Variants in PHF20 observed in about 807,000 individuals in gnomAD.
PHF20 encodes PHD finger protein 20, also known as glioma-expressed antigen 2.
PHF20 carries 23 observed loss-of-function variants against 113.5 expected under a neutral mutation model. The ratio of observed to expected loss-of-function variants is 0.20; its 90% CI spans 0.15 to 0.29. PHF20 has a LOEUF of 0.29. PHF20 is among the 10% of genes least tolerant of loss of function. The probability of loss-of-function intolerance (pLI) is 1.00; values close to 1 mark genes in which losing one functional copy is unlikely to be tolerated. For missense variants in PHF20, 943 were observed against 1,219.6 expected, an observed-to-expected ratio of 0.77 and a Z score of 3.38; for synonymous variants, 434 against 457.3, an observed-to-expected ratio of 0.95 and a Z score of 0.65.
At chr20:35,850,823 AG>A in intron 4 of PHF20, 1 of 1,100,116 alleles carries the variant, frequency 9.1e-7, no homozygotes, top group Non-Finnish European at 1.3e-6. Flanking sequence ...TATGAAAATC[AG>A]GTGTATGTTT....
chr20:35,846,367 G>A (rs1465366961), intron 3 of PHF20, among the ~76,000 whole-genome samples: 1 of 151,754 alleles, frequency 6.6e-6, no homozygotes, highest in Non-Finnish European at 1.5e-5. Context: ...TAGTAGAGAC[G>A]GGGTTTCACC....
chr20:35,845,076 A>T (rs977492960), intron 3 of PHF20, among the ~76,000 whole-genome samples: 1 of 151,820 alleles, frequency 6.6e-6, no homozygotes, highest in African/African-American at 2.4e-5. Context: ...CCACTGATCT[A>T]TCTATTTTCT....
At chr20:35,787,294 C>A (rs2041441097) in intron 1 of PHF20, among the ~76,000 whole-genome samples, 1 of 152,002 alleles carries the variant, frequency 6.6e-6, no homozygotes, top group African/African-American at 2.4e-5. Context: ...ATTCTCCTGC[C>A]TCAGCCTCTT....
At chr20:35,902,424 C>T (rs2055114685) in intron 10 of PHF20, among the ~76,000 whole-genome samples, 1 of 152,194 alleles carries the variant, frequency 6.6e-6, no homozygotes, top group Non-Finnish European at 1.5e-5. Flanking sequence ...GCTTGACAGG[C>T]AGGAGGCCAT....
intron 9 of PHF20, among the ~76,000 whole-genome samples, chr20:35,893,603 C>T (rs1009233189): frequency 7.9e-5 from 12 of 152,030 alleles, no homozygotes; most frequent in Non-Finnish European, 1.3e-4. Flanking sequence ...CACTCCCAGC[C>T]GGCCATGGCT....
chr20:35,914,916 A>T (rs1356647065), intron 12 of PHF20, among the ~76,000 whole-genome samples: 1 of 149,340 alleles, frequency 6.7e-6, no homozygotes, highest in African/African-American at 2.5e-5. Context: ...GCGAGCCAAG[A>T]TCATGCCACT....
chr20:35,785,012 C>T (rs1435843229), intron 1 of PHF20, among the ~76,000 whole-genome samples: 2 of 151,432 alleles, frequency 1.3e-5, no homozygotes, highest in Non-Finnish European at 2.9e-5. Flanking sequence ...GATCATGCCG[C>T]TTCACTCCAA....
intron 4 of PHF20, among the ~76,000 whole-genome samples, chr20:35,857,562 C>CTTTTTTTT (rs56655276): frequency 6.0e-5 from 6 of 99,678 alleles, no homozygotes; most frequent in Admixed American, 1.5e-4. Context: ...AATGATGTTC[C>CTTTTTTTT]TTTTTTTTTT....
intron 1 of PHF20, among the ~76,000 whole-genome samples, chr20:35,789,903 G>A (rs1357156865): frequency 3.1e-5 from 4 of 129,030 alleles, no homozygotes; most frequent in East Asian, 2.2e-4. Flanking sequence ...TCCCCAGTCC[G>A]GAGTGCAGTG....
chr20:35,775,477 C>G (rs969677555), intron 1 of PHF20, among the ~76,000 whole-genome samples: 5 of 152,092 alleles, frequency 3.3e-5, no homozygotes, highest in Non-Finnish European at 5.9e-5. Flanking sequence ...CCAAAACTGG[C>G]TGGGCACGGT....
intron 9 of PHF20, among the ~76,000 whole-genome samples, chr20:35,874,492 T>C (rs1053879079): frequency 6.6e-6 from 1 of 151,992 alleles, no homozygotes; most frequent in Admixed American, 6.6e-5. Context: ...AACTTGACTT[T>C]TTTTTTTTAA....
intron 3 of PHF20, 52 bp downstream of exon 3, chr20:35,842,796 T>A: frequency 6.6e-7 from 1 of 1,514,762 alleles, no homozygotes; most frequent in Non-Finnish European, 9.1e-7. Context: ...GCCATTGGGC[T>A]GTTTGTGTTT....
chr20:35,931,397 A>G lies in PHF20; in HGVS notation c.2253A>G (p.Arg751=). The change falls in exon 15 of 18, where the codon AGA becomes AGG. Residue 751 remains arginine, a synonymous_variant. Coordinates refer to ENST00000374012, the MANE Select transcript of PHF20 (RefSeq NM_016436.5). ...ACCAGCTTCTTGGTGATGTGCAGAG[A>G]GTGATTGAGGTTCTGCATGGCCTGC... The part of the protein sequence containing the change: ...ATHQLLGDVQ[R]VIEVLHGLQL... 6.2e-7 allele frequency: 1 copy of G among 1,613,902 alleles called. No homozygotes were observed. Among genetic ancestry groups the G allele is most frequent in the East Asian group, 2.2e-5 (1 of 44,878 alleles).
chr20:35,909,787 G>A (rs1051393005), intron 10 of PHF20, among the ~76,000 whole-genome samples: 3 of 152,198 alleles, frequency 2.0e-5, no homozygotes, highest in Non-Finnish European at 4.4e-5. Flanking sequence ...AGTAGGCACA[G>A]CCCACTCTTC....
intron 17 of PHF20, among the ~76,000 whole-genome samples, chr20:35,946,649 A>AT (rs1465207815): frequency 1.4e-5 from 2 of 146,392 alleles, no homozygotes; most frequent in African/African-American, 5.0e-5. Flanking sequence ...AAAGCTTTTT[A>AT]TTTTTTATTT....
In PHF20 at chr20:35,869,541, C is replaced by T. The variant is rs759821438; in HGVS notation, c.912C>T (p.Asp304=). 19 of 1,575,204 alleles carry T rather than the reference C, an allele frequency of 1.2e-5. No individual in the cohort carries two copies. The highest frequency in any genetic ancestry group is 1.3e-5 in the Non-Finnish European group (15 of 1,147,120). The part of the protein sequence containing the change: ...CEVPLKRPRL[D]KNSSQEKSKN... ...TCCCATTAAAACGTCCTCGGCTTGA[C>T]AAAAATTCATGTGAGTCTACAGTTT... Residue 304 remains aspartate, a synonymous_variant, in exon 7 of 18, where the codon GAC becomes GAT. Coordinates refer to ENST00000374012, the MANE Select transcript of PHF20 (RefSeq NM_016436.5).
intron 9 of PHF20, among the ~76,000 whole-genome samples, chr20:35,877,761 G>A (rs1294456850): frequency 6.6e-6 from 1 of 152,020 alleles, no homozygotes; most frequent in African/African-American, 2.4e-5. Flanking sequence ...ATAAACAAGA[G>A]AGAAAAACAA....
chr20:35,791,137 G>A (rs1042437610), intron 1 of PHF20, among the ~76,000 whole-genome samples: 2 of 152,186 alleles, frequency 1.3e-5, no homozygotes, highest in Non-Finnish European at 1.5e-5. Flanking sequence ...GATTACAGGC[G>A]TGAGCCACCG....
chr20:35,897,545 C>T (rs1425332131), intron 9 of PHF20, among the ~76,000 whole-genome samples: 1 of 148,492 alleles, frequency 6.7e-6, no homozygotes, highest in Non-Finnish European at 1.5e-5. Flanking sequence ...ACTTATTCCT[C>T]CTATTCTGGA....
Sources: gnomAD v4.1 joint callset for allele counts (sites outside exome capture counted in the v4.1 genomes callset) on GRCh38, gnomAD v4.1.1 for gene constraint, MANE v1.5 for transcripts, NCBI Gene and HGNC (gene_info 2026-07-23, HGNC 2026-07-21) for gene names.